MDGA2: variants seen among roughly 807,000 people sequenced by gnomAD.
MDGA2 encodes the protein MAM domain-containing glycosylphosphatidylinositol anchor protein 2.
A neutral mutation model predicts 117.8 loss-of-function variants in MDGA2; 40 were observed. The observed-to-expected ratio is 0.34, with a 90% confidence interval of 0.26 to 0.44. The LOEUF is 0.44. Among genes scored for constraint, MDGA2 ranks in the 20% least tolerant of loss-of-function variants. MDGA2 has a pLI of 1.00. For synonymous variants in MDGA2, 452 were observed against 439.0 expected (o/e 1.03, Z -0.37); for missense variants, 1,123 against 1,250.6 (o/e 0.90, Z 1.54).
intron 1 of MDGA2, among the ~76,000 whole-genome samples, chr14:47,334,549 A>G (rs556275113): frequency 6.6e-6 from 1 of 151,990 alleles, no homozygotes; most frequent in African/African-American, 2.4e-5. Flanking sequence ...TTTAAACCAC[A>G]TGCAGTGAAT....
At chr14:46,842,153 GT>G in intron 16 of MDGA2, 134 bp from the exon 17 acceptor site, 1 of 604,422 alleles carries the variant, frequency 1.7e-6, no homozygotes, top group Non-Finnish European at 2.9e-6. Flanking sequence ...TTTTTATTTT[GT>G]TTTATTTATC....
At chr14:47,106,724 C>A (rs1190009595) in intron 5 of MDGA2, among the ~76,000 whole-genome samples, 2 of 151,614 alleles carry the variant, frequency 1.3e-5, no homozygotes, top group African/African-American at 4.9e-5. Context: ...GTAACTCTCA[C>A]AGTGGAAGGT....
intron 6 of MDGA2, among the ~76,000 whole-genome samples, chr14:47,094,492 A>G (rs1223940997): frequency 6.6e-6 from 1 of 152,022 alleles, no homozygotes; most frequent in Non-Finnish European, 1.5e-5. Flanking sequence ...GATATTTTAT[A>G]TTGGACATTT....
At chr14:47,401,045 C>T (rs1053344832) in intron 1 of MDGA2, among the ~76,000 whole-genome samples, 1 of 151,624 alleles carries the variant, frequency 6.6e-6, no homozygotes, top group Admixed American at 6.6e-5. Flanking sequence ...GCGTGAGCCA[C>T]CGTGCCCGGC....
intron 8 of MDGA2, among the ~76,000 whole-genome samples, chr14:46,991,015 T>C (rs920423105): frequency 2.6e-5 from 4 of 152,086 alleles, no homozygotes; most frequent in African/African-American, 9.7e-5. Flanking sequence ...TTAGGCTTTA[T>C]CCTCAATGAT....
rs771778009 is a variant in MDGA2 at position 47,035,104 on chromosome 14, T to C, written c.1726A>G (p.Arg576Gly). The C allele has an allele frequency of 1.2e-6, 2 of 1,614,154 alleles. No individual in the cohort carries two copies. Among genetic ancestry groups the C allele is most frequent in the Non-Finnish European group, 8.5e-7 (1 of 1,180,020 alleles). ...CATCTGTACATTCCTGACATTTCCC[T>C]AGATACATTCACAATCCTCAGTGTT... ...DGTLRIVNVSREMSGMYRCQT... is the reference protein window; with the variant it reads ...DGTLRIVNVSGEMSGMYRCQT... Residue 576 changes from arginine (R) to glycine (G), a missense_variant, in exon 8 of 17, where the codon AGG (arginine) becomes GGG (glycine). Around this residue, in one of 2 missense-constraint regions of MDGA2, gnomAD observed 890 missense variants for 1,050.3 expected, o/e 0.85. Transcript: ENST00000399232.
intron 6 of MDGA2, among the ~76,000 whole-genome samples, chr14:47,080,311 A>C (rs1416698061): frequency 6.6e-6 from 1 of 152,218 alleles, no homozygotes; most frequent in Non-Finnish European, 1.5e-5. Context: ...ATTTATAACA[A>C]TTTATAACGC....
intron 6 of MDGA2, among the ~76,000 whole-genome samples, chr14:47,073,688 T>C (rs568190166): frequency 1.3e-5 from 2 of 152,242 alleles, no homozygotes; most frequent in Admixed American, 1.3e-4. Context: ...CTTCATGTAT[T>C]TGGTGGTGCC....
In MDGA2 at chr14:46,991,921, T is replaced by C. The variant is rs1045975942; in HGVS notation, c.1820-34278A>G. Among the ~76,000 whole-genome samples, 6 of 152,164 alleles carry C rather than the reference T, an allele frequency of 3.9e-5. No homozygotes were observed. The South Asian group carries it at 6.2e-4, about 16-fold the overall frequency. ...GACTCTCTTGGATCCCATCCAAAGGTTGAAATACAAAAAGAGACTTGATTA... is the reference window on the plus strand; with the variant it reads ...GACTCTCTTGGATCCCATCCAAAGGCTGAAATACAAAAAGAGACTTGATTA... On this transcript the variant is annotated intron_variant, in intron 8 of 16. Transcript: ENST00000399232.
chr14:47,190,563 G>A (rs985589402), intron 3 of MDGA2, among the ~76,000 whole-genome samples: 4 of 152,048 alleles, frequency 2.6e-5, no homozygotes, highest in South Asian at 2.1e-4. Context: ...CTTTGGCTAC[G>A]TAAAAATAAC....
chr14:47,045,553 A>G (rs1889227339), intron 7 of MDGA2, among the ~76,000 whole-genome samples: 1 of 152,202 alleles, frequency 6.6e-6, no homozygotes, highest in African/African-American at 2.4e-5. Context: ...AAACAGGAGC[A>G]AGATATTTCA....
intron 6 of MDGA2, among the ~76,000 whole-genome samples, chr14:47,090,986 G>A (rs1315627124): frequency 2.0e-5 from 3 of 152,100 alleles, no homozygotes; most frequent in Non-Finnish European, 4.4e-5. Context: ...TCAACTCCCA[G>A]ATTTGTGAAC....
intron 1 of MDGA2, among the ~76,000 whole-genome samples, chr14:47,567,132 C>T (rs1486666380): frequency 1.3e-5 from 2 of 151,832 alleles, no homozygotes; most frequent in Non-Finnish European, 2.9e-5. Context: ...AACTCATGGG[C>T]TCAAGTGATC....
chr14:47,336,777 T>C (rs1022383229), intron 1 of MDGA2, among the ~76,000 whole-genome samples: 14 of 151,972 alleles, frequency 9.2e-5, no homozygotes, highest in African/African-American at 3.4e-4. Context: ...TCAAAAGAAG[T>C]AGTTAATTAT....
chr14:47,411,897 A>C (rs922101524), intron 1 of MDGA2, among the ~76,000 whole-genome samples: 8 of 152,328 alleles, frequency 5.3e-5, no homozygotes, highest in African/African-American at 1.7e-4. Context: ...GCTATGTGCC[A>C]GATACTCTTG....
intron 1 of MDGA2, among the ~76,000 whole-genome samples, chr14:47,323,177 T>G (rs1403606219): frequency 7.7e-6 from 1 of 129,414 alleles, no homozygotes; most frequent in Non-Finnish European, 1.7e-5. Flanking sequence ...TATATATATA[T>G]ATATATATAT....
intron 6 of MDGA2, among the ~76,000 whole-genome samples, chr14:47,093,558 T>A (rs543436015): frequency 6.6e-6 from 1 of 152,096 alleles, no homozygotes; most frequent in South Asian, 2.1e-4. Context: ...GCTTCTCTCC[T>A]AACTTATGAG....
chr14:47,568,136 G>GT (rs964973800), intron 1 of MDGA2, among the ~76,000 whole-genome samples: 5 of 152,060 alleles, frequency 3.3e-5, no homozygotes, highest in African/African-American at 1.2e-4. Context: ...AAAGTTAGAA[G>GT]TTTTAAAATC....
At chr14:46,949,926 G>A (rs1885308973) in intron 9 of MDGA2, among the ~76,000 whole-genome samples, 1 of 151,796 alleles carries the variant, frequency 6.6e-6, no homozygotes, top group East Asian at 1.9e-4. Context: ...ATTTTTGATA[G>A]CAACATTGCT....
Sources: allele counts gnomAD v4.1 joint callset (sites outside exome capture counted in the v4.1 genomes callset), GRCh38; gene constraint gnomAD v4.1.1; regional missense constraint gnomAD v4.1.1; transcripts MANE v1.5; gene names NCBI Gene and HGNC (gene_info 2026-07-23, HGNC 2026-07-21).